Variants in ATG16L1 observed in about 807,000 individuals in gnomAD.
The protein encoded by ATG16L1 is autophagy-related protein 16-1.
Under a neutral mutation model 88.5 loss-of-function variants are expected in ATG16L1, and 37 were observed. That is an observed-to-expected ratio of 0.42 (90% CI 0.32 to 0.55). ATG16L1 has a LOEUF of 0.55. Among genes scored for constraint, ATG16L1 ranks in the 20% least tolerant of loss-of-function variants. The probability of loss-of-function intolerance (pLI) is 0.13; values close to 1 mark genes in which losing one functional copy is unlikely to be tolerated. For missense variants in ATG16L1, 554 were observed against 752.8 expected, an observed-to-expected ratio of 0.74 and a Z score of 3.09; for synonymous variants, 301 against 281.0, an observed-to-expected ratio of 1.07 and a Z score of -0.71.
intron 3 of ATG16L1, 60 bp downstream of exon 3, chr2:233,263,295 G>T: frequency 1.3e-6 from 2 of 1,486,310 alleles, no homozygotes; most frequent in South Asian, 2.4e-5. Context: ...TGTGGGGAGC[G>T]GGGGAGCTCA....
intron 6 of ATG16L1, 48 bp from the exon 7 acceptor site, chr2:233,272,915 AATC>A: frequency 6.6e-7 from 1 of 1,512,284 alleles, no homozygotes; most frequent in Non-Finnish European, 9.2e-7. Context: ...GGAACCGATT[AATC>A]ACAGAACTGT....
chr2:233,273,121 T>G, intron 7 of ATG16L1, 69 bp downstream of exon 7: 1 of 1,317,930 alleles, frequency 7.6e-7, no homozygotes, highest in Non-Finnish European at 1.1e-6. Context: ...TCTGTGGACA[T>G]GACAAAGAAT....
At chr2:233,261,040 C>T (rs1053860575) in intron 2 of ATG16L1, among the ~76,000 whole-genome samples, 1 of 152,200 alleles carries the variant, frequency 6.6e-6, no homozygotes, top group Non-Finnish European at 1.5e-5. Flanking sequence ...ACTGCAACCT[C>T]CGCCTTCCGG....
At chr2:233,273,202 C>T (rs2289474) in intron 7 of ATG16L1, 150 bp downstream of exon 7, 293,678 of 617,772 alleles carry the variant, frequency 0.48, 72,850 homozygotes, top group Middle Eastern at 0.56. Flanking sequence ...CAGAGGTGTC[C>T]AGTCTTTCTC....
chr2:233,292,621 T>G (rs993548980), intron 16 of ATG16L1, among the ~76,000 whole-genome samples, 187 bp downstream of exon 16: 1 of 152,252 alleles, frequency 6.6e-6, no homozygotes, highest in South Asian at 2.1e-4. Flanking sequence ...CTTTTGTGAT[T>G]ACATGAACCT....
chr2:233,288,010 TA>T (rs1414715255), intron 12 of ATG16L1, among the ~76,000 whole-genome samples: 1 of 152,216 alleles, frequency 6.6e-6, no homozygotes, highest in Non-Finnish European at 1.5e-5. Context: ...TAGGCTTTGT[TA>T]CTGGAGCTTT....
At chr2:233,283,694 G>GCGCCCGCCACCACGCC in intron 12 of ATG16L1, among the ~76,000 whole-genome samples, 1 of 151,850 alleles carries the variant, frequency 6.6e-6, no homozygotes, top group South Asian at 2.1e-4. Flanking sequence ...AGGATTACAG[G>GCGCCCGCCACCACGCC]CATGGCTAAT....
chr2:233,271,498 G>A (rs1297847100), intron 6 of ATG16L1, among the ~76,000 whole-genome samples: 2 of 152,130 alleles, frequency 1.3e-5, no homozygotes, highest in Non-Finnish European at 2.9e-5. Flanking sequence ...GGCTGGTCTC[G>A]AACTCCTGAC....
At chr2:233,287,680 C>G (rs1699176249) in intron 12 of ATG16L1, among the ~76,000 whole-genome samples, 1 of 152,198 alleles carries the variant, frequency 6.6e-6, no homozygotes, top group Admixed American at 6.5e-5. Context: ...GAATTCAAGA[C>G]TAGCCTGGCC....
chr2:233,287,577 T>A (rs1215445797), intron 12 of ATG16L1, among the ~76,000 whole-genome samples: 2 of 152,188 alleles, frequency 1.3e-5, no homozygotes, highest in African/African-American at 2.4e-5. Flanking sequence ...ATAAAATAGT[T>A]ATTCAGAATT....
intron 11 of ATG16L1, among the ~76,000 whole-genome samples, chr2:233,282,434 T>C (rs1410875182): frequency 6.6e-6 from 1 of 152,118 alleles, no homozygotes; most frequent in Non-Finnish European, 1.5e-5. Flanking sequence ...GAAGGCTGGG[T>C]TCCATTTGGA....
chr2:233,257,630 G>A (rs140120743), intron 2 of ATG16L1, among the ~76,000 whole-genome samples: 291 of 152,280 alleles, frequency 1.9e-3, no homozygotes, highest in Middle Eastern at 3.4e-3. Context: ...AGTAAGTAGA[G>A]GAACATCAGT....
intron 17 of ATG16L1, 151 bp from the exon 18 acceptor site, chr2:233,294,106 T>A (rs1699650749): frequency 1.8e-6 from 1 of 555,312 alleles, no homozygotes; most frequent in African/African-American, 1.9e-5. Context: ...GTTAGTGAGC[T>A]CCTGCCTTGT....
At position 233,265,066 on chromosome 2, in the gene ATG16L1, G is replaced by C. The variant is rs779877833; in HGVS notation, c.564G>C (p.Gln188His). Residue 188 changes from glutamine to histidine, a missense_variant, in exon 5 of 18, where the codon CAG (glutamine) becomes CAC (histidine). Around this residue, in one of 5 missense-constraint regions of ATG16L1, gnomAD observed 22 missense variants for 54.5 expected, o/e 0.40. Transcript: ENST00000392017. ...GKLRKTTEEN[Q>H]ELVTRWMAEK... ...TGAGGAAAACTACGGAAGAGAACCAGGAGCTGGTCACCAGATGGATGGCTG... is the reference window on the plus strand; with the variant it reads ...TGAGGAAAACTACGGAAGAGAACCACGAGCTGGTCACCAGATGGATGGCTG... The C allele has an allele frequency of 2.5e-6, 4 of 1,614,232 alleles. No homozygotes were observed. In the South Asian group the frequency reaches 3.3e-5, roughly 13 times the overall value.
chr2:233,263,275 A>T (rs192772825), intron 3 of ATG16L1, 40 bp downstream of exon 3: 1 of 1,570,940 alleles, frequency 6.4e-7, no homozygotes, highest in Non-Finnish European at 8.7e-7. Flanking sequence ...TCTGCCCTCT[A>T]TGAGAGTCCT....
chr2:233,285,964 G>T (rs983236591), intron 12 of ATG16L1, among the ~76,000 whole-genome samples: 11 of 152,164 alleles, frequency 7.2e-5, no homozygotes, highest in Admixed American at 6.5e-4. Context: ...CCTCTGTGAT[G>T]CCTCCGTTAA....
chr2:233,283,902 T>C (rs1275257567), intron 12 of ATG16L1, among the ~76,000 whole-genome samples: 1 of 151,770 alleles, frequency 6.6e-6, no homozygotes, highest in Non-Finnish European at 1.5e-5. Context: ...TAGAGTGCAA[T>C]GGCGCAATCT....
chr2:233,276,168 C>T (rs1048103667), intron 9 of ATG16L1, among the ~76,000 whole-genome samples: 6 of 152,102 alleles, frequency 3.9e-5, no homozygotes, highest in African/African-American at 1.2e-4. Context: ...TCACTCCCTC[C>T]GTGATACTTC....
intron 1 of ATG16L1, among the ~76,000 whole-genome samples, chr2:233,253,360 T>TTTTTTTTG: frequency 6.8e-6 from 1 of 146,790 alleles, no homozygotes. Context: ...TTTTTTTTTT[T>TTTTTTTTG]TGGAGACAGA....
Sources: allele counts gnomAD v4.1 joint callset (sites outside exome capture counted in the v4.1 genomes callset), GRCh38; gene constraint gnomAD v4.1.1; regional missense constraint gnomAD v4.1.1; transcripts MANE v1.5; gene names NCBI Gene and HGNC (gene_info 2026-07-23, HGNC 2026-07-21).